DIDO1: variants seen among roughly 807,000 people sequenced by gnomAD.
The protein encoded by DIDO1 is death inducer-obliterator 1.
Under a neutral mutation model 99.4 loss-of-function variants are expected in DIDO1, and 16 were observed. The ratio of observed to expected loss-of-function variants is 0.16; its 90% CI spans 0.11 to 0.24. DIDO1 has a LOEUF of 0.24. DIDO1 is among the 10% of genes least tolerant of loss of function. The pLI is 1.00. For synonymous variants in DIDO1, 1,366 were observed against 1,239.1 expected (o/e 1.10, Z -2.15); for missense variants, 2,996 against 3,014.0 (o/e 0.99, Z 0.14).
chr20:62,907,812 C>T (rs535025523), intron 4 of DIDO1, among the ~76,000 whole-genome samples: 1 of 152,328 alleles, frequency 6.6e-6, no homozygotes. Context: ...AGAGAGAAGA[C>T]TTCATAGCTG....
intron 1 of DIDO1, chr20:62,937,682 C>T (rs1163381312): frequency 2.6e-6 from 1 of 383,562 alleles, no homozygotes; most frequent in Admixed American, 4.6e-5. Context: ...CCTGGAAGGC[C>T]GCCGGTCGGG....
intron 1 of DIDO1, among the ~76,000 whole-genome samples, chr20:62,924,404 G>T (rs928613543): frequency 6.6e-6 from 1 of 152,178 alleles, no homozygotes; most frequent in Non-Finnish European, 1.5e-5. Flanking sequence ...TATGGGACAG[G>T]CATATAAAAA....
intron 1 of DIDO1, among the ~76,000 whole-genome samples, chr20:62,925,189 G>A (rs776862472): frequency 2.0e-5 from 3 of 152,228 alleles, no homozygotes; most frequent in East Asian, 1.9e-4. Flanking sequence ...TTAAAGGAAG[G>A]AGCTGGAATA....
At chr20:62,891,286 GCT>G in intron 14 of DIDO1, 131 bp from the exon 15 acceptor site, 1 of 1,436,748 alleles carries the variant, frequency 7.0e-7, no homozygotes. Context: ...TCACAGAGCT[GCT>G]GTCTCAGTGA....
At position 62,879,918 on chromosome 20, in the gene DIDO1, C is replaced by A. The variant is rs144615075; in HGVS notation, c.6038G>T (p.Gly2013Val). Residue 2013 changes from glycine (G) to valine (V), a missense_variant, in exon 16 of 16, where the codon GGC becomes GTC. Transcript: ENST00000395343. The surrounding 1 kb of genome is among the most constrained non-coding windows in gnomAD (Gnocchi z 6.3). ...EQTPSRFHFQGQAPQVMKPGP... is the reference protein window; with the variant it reads ...EQTPSRFHFQVQAPQVMKPGP... The stretch of plus-strand genomic sequence containing the variant: ...CGGCTTCATCACCTGCGGGGCCTGG[C>A]CCTGGAAGTGAAATCGCGAAGGGGT... The A allele has an allele frequency of 9.4e-6, 15 of 1,593,470 alleles. No homozygotes were observed. The highest frequency in any genetic ancestry group is 1.2e-5 in the Non-Finnish European group (14 of 1,172,014).
chr20:62,935,440 G>A (rs1026031537), intron 1 of DIDO1, among the ~76,000 whole-genome samples: 20 of 152,254 alleles, frequency 1.3e-4, no homozygotes, highest in African/African-American at 2.6e-4. Context: ...CACACGGACC[G>A]TGTGCTAAGA....
At chr20:62,890,841 GCTC>G (rs1428514105) in intron 15 of DIDO1, 116 bp downstream of exon 15, 6 of 1,584,444 alleles carry the variant, frequency 3.8e-6, no homozygotes, top group South Asian at 3.4e-5. Flanking sequence ...CTGCGTCTGT[GCTC>G]CTAACTCCTG....
chr20:62,910,590 C>A (rs1056615873), intron 3 of DIDO1, among the ~76,000 whole-genome samples, 184 bp downstream of exon 3: 4 of 152,216 alleles, frequency 2.6e-5, no homozygotes, highest in Non-Finnish European at 5.9e-5. Flanking sequence ...CCAGTGGCTA[C>A]CAGAGTGGAG....
intron 5 of DIDO1, among the ~76,000 whole-genome samples, chr20:62,906,853 C>A (rs907512586): frequency 6.6e-6 from 1 of 152,226 alleles, no homozygotes; most frequent in Admixed American, 6.5e-5. Context: ...CAAACTCCAC[C>A]GGGTGGTTAC....
intron 1 of DIDO1, among the ~76,000 whole-genome samples, chr20:62,933,694 A>G (rs1477601275): frequency 1.3e-5 from 2 of 152,080 alleles, no homozygotes; most frequent in African/African-American, 2.4e-5. Context: ...ACATAGTGAG[A>G]CCTCTCCTCT....
At chr20:62,905,039 G>GA (rs1378121278) in intron 6 of DIDO1, 2 of 989,370 alleles carry the variant, frequency 2.0e-6, no homozygotes, top group Non-Finnish European at 2.4e-6. Context: ...AGAAAACTGA[G>GA]AAACAAGAAA....
intron 14 of DIDO1, 28 bp from the exon 15 acceptor site, chr20:62,891,183 TA>T: frequency 6.2e-7 from 1 of 1,612,484 alleles, no homozygotes; most frequent in Non-Finnish European, 8.5e-7. Context: ...GAAGCACTCA[TA>T]AAGAAAATGT....
In DIDO1 at chr20:62,896,701, G is replaced by C. The variant is rs148970851; in HGVS notation, c.1884C>G (p.Phe628Leu). 1.4e-5 allele frequency: 22 copies of C among 1,613,794 alleles called. No individual in the cohort carries two copies. In the Admixed American group the frequency reaches 2.7e-4, roughly 20 times the overall value. ...PAAATAASKK[F>L]PGSAALVGAV... Reference sequence around the variant, plus strand: ...CTCCCACCAAAGCAGCGGAGCCAGGGAACTTCTTGGAGGCAGCCGTTGCCG... The same window carrying C: ...CTCCCACCAAAGCAGCGGAGCCAGGCAACTTCTTGGAGGCAGCCGTTGCCG... The change falls in exon 7 of 16, where the codon TTC becomes TTG. Residue 628 changes from phenylalanine (F) to leucine (L), a missense_variant. This residue lies in a region of DIDO1 where 898 missense variants were observed against 972.7 expected (regional missense o/e 0.92). Transcript: ENST00000395343. This position sits in a 1 kb window ranked among gnomAD's most constrained non-coding sequence, Gnocchi z 4.4.
At position 62,881,513 on chromosome 20, in the gene DIDO1, C is replaced by T. The variant is rs149773817; in HGVS notation, c.4443G>A (p.Glu1481=). The change falls in exon 16 of 16, where the codon GAG becomes GAA. Residue 1481 remains glutamate (E), a synonymous_variant. Coordinates refer to ENST00000395343, the MANE Select transcript of DIDO1 (RefSeq NM_001193369.2). This position sits in a 1 kb window ranked among gnomAD's most constrained non-coding sequence, Gnocchi z 8.3. ...SLVEQQKMLE[E]LNKQIEEQKR... is the part of the protein sequence containing the mutation. ...TCTGCTCCTCGATCTGTTTGTTCAG[C>T]TCTTCTAGCATCTTCTGTTGCTCCA... The T allele has an allele frequency of 6.2e-7, 1 of 1,611,218 alleles. No homozygotes were observed. Among genetic ancestry groups the T allele is most frequent in the African/African-American group, 1.3e-5 (1 of 74,938 alleles).
Position 62,878,529 on chromosome 20 carries a change from T to C in DIDO1, c.*704A>G, listed in dbSNP as rs945066114. On this transcript the variant is annotated 3_prime_UTR_variant, in exon 16 of 16. Transcript: ENST00000395343. The stretch of plus-strand genomic sequence containing the variant: ...TGCCCCCAAAGTACACTTAATTGGT[T>C]TGTTACTTTTTTTAGGCTGGTAAAA... 5.3e-5 allele frequency: 8 copies of C among 152,230 alleles called. No individual in the cohort carries two copies. The highest frequency in any genetic ancestry group is 1.2e-4 in the Non-Finnish European group (8 of 68,036). 9.4% of individuals were successfully genotyped at this position (152,230 alleles called of 1,614,324 possible). A position where few individuals can be genotyped will look rare whatever the true frequency, so the allele number is the denominator to read the frequency against.
intron 8 of DIDO1, 108 bp from the exon 9 acceptor site, chr20:62,895,273 G>A: frequency 1.1e-6 from 1 of 952,164 alleles, no homozygotes; most frequent in Non-Finnish European, 1.6e-6. Flanking sequence ...ACAGGACAAA[G>A]GCCCTCAGGG....
chr20:62,900,864 CAG>C (rs1486018247), intron 6 of DIDO1, among the ~76,000 whole-genome samples: 12 of 152,208 alleles, frequency 7.9e-5, no homozygotes, highest in Non-Finnish European at 1.6e-4. Flanking sequence ...CACCTGAAAA[CAG>C]ACTCAACAGT....
rs2064481530 is a variant in DIDO1, at chr20:62,894,820, G to A, written c.2426C>T (p.Ser809Leu). The change falls in exon 10 of 16, where the codon TCG becomes TTG. Residue 809 changes from serine (S) to leucine (L), a missense_variant. Around this residue, in one of 5 missense-constraint regions of DIDO1, gnomAD observed 898 missense variants for 972.7 expected, o/e 0.92. Coordinates refer to ENST00000395343, the MANE Select transcript of DIDO1 (RefSeq NM_001193369.2). This position sits in a 1 kb window ranked among gnomAD's most constrained non-coding sequence, Gnocchi z 4.4. ...CTCCCAAATGCTTACCTCTGAATCC[G>A]ACACTGGCGGAGAGTCCTCCAGATC... ...IPDLEDSPPV[S>L]DSEEQQESAR... 5 of 1,612,602 alleles carry A rather than the reference G, an allele frequency of 3.1e-6. No individual in the cohort carries two copies. The highest frequency in any genetic ancestry group is 4.2e-6 in the Non-Finnish European group (5 of 1,179,626).
In DIDO1 at chr20:62,907,170, T is replaced by G; in HGVS notation, c.1351A>C (p.Ser451Arg). The G allele has an allele frequency of 6.2e-7, 1 of 1,614,264 alleles. No individual in the cohort carries two copies. The highest frequency in any genetic ancestry group is 1.1e-5 in the South Asian group (1 of 91,090). Residue 451 changes from serine (S) to arginine (R), a missense_variant, in exon 5 of 16, where the codon AGT (serine) becomes CGT (arginine). Physicochemically the swap from Ser to Arg is moderately radical, Grantham distance 110. This residue lies in a region of DIDO1 where 898 missense variants were observed against 972.7 expected (regional missense o/e 0.92). Coordinates refer to ENST00000395343, the MANE Select transcript of DIDO1 (RefSeq NM_001193369.2). Reference sequence around the variant, plus strand: ...ACCTGAGCACCGCATTTCGGAAGACTGGGCTTCTCTGGCTTCATCTTCATC... The same window carrying G: ...ACCTGAGCACCGCATTTCGGAAGACGGGGCTTCTCTGGCTTCATCTTCATC... ...EKMKMKPEKP[S>R]LPKCGAQAGI...
Sources: allele counts gnomAD v4.1 joint callset (sites outside exome capture counted in the v4.1 genomes callset), GRCh38; gene constraint gnomAD v4.1.1; regional missense constraint gnomAD v4.1.1; non-coding constraint Gnocchi (gnomAD v3.1); transcripts MANE v1.5; gene names NCBI Gene and HGNC (gene_info 2026-07-23, HGNC 2026-07-21).